Variants in CMYA5 observed in about 807,000 individuals in gnomAD.
CMYA5 encodes the protein cardiomyopathy associated 5, also known as cardiomyopathy-associated protein 5.
A neutral mutation model predicts 318.9 loss-of-function variants in CMYA5; 246 were observed. The ratio of observed to expected loss-of-function variants is 0.77; its 90% CI spans 0.70 to 0.86. The LOEUF (loss-of-function observed/expected upper bound fraction) is 0.86, where lower values mean the gene tolerates loss of function less well. Ranked by LOEUF, CMYA5 falls within the 40% of genes least tolerant of loss-of-function variation. The probability of loss-of-function intolerance (pLI) is 0.00; values close to 1 mark genes in which losing one functional copy is unlikely to be tolerated. For missense variants in CMYA5, 4,589 were observed against 4,678.2 expected, an observed-to-expected ratio of 0.98 and a Z score of 0.56; for synonymous variants, 1,641 against 1,729.5, an observed-to-expected ratio of 0.95 and a Z score of 1.27.
chr5:79,744,143 A>G (rs1377994887), intron 3 of CMYA5, among the ~76,000 whole-genome samples: 1 of 152,232 alleles, frequency 6.6e-6, no homozygotes, highest in Non-Finnish European at 1.5e-5. Context: ...CGGTAACGAC[A>G]GACATGCATT....
intron 2 of CMYA5, among the ~76,000 whole-genome samples, chr5:79,739,950 T>A (rs1407332055): frequency 6.6e-6 from 1 of 151,650 alleles, no homozygotes; most frequent in Non-Finnish European, 1.5e-5. Flanking sequence ...GCCACTGCAC[T>A]CCACTCTAGG....
At chr5:79,706,096 A>G (rs980203511) in intron 1 of CMYA5, among the ~76,000 whole-genome samples, 1 of 152,138 alleles carries the variant, frequency 6.6e-6, no homozygotes, top group Non-Finnish European at 1.5e-5. Context: ...CACACGCAAG[A>G]TAATGAAAGC....
intron 1 of CMYA5, among the ~76,000 whole-genome samples, chr5:79,704,849 C>T (rs1235598494): frequency 6.6e-6 from 1 of 152,206 alleles, no homozygotes; most frequent in Non-Finnish European, 1.5e-5. Context: ...ATACCTCTGG[C>T]CCCTGGAACC....
At chr5:79,786,662 T>C (rs1436841615) in intron 9 of CMYA5, among the ~76,000 whole-genome samples, 1 of 152,180 alleles carries the variant, frequency 6.6e-6, no homozygotes, top group Non-Finnish European at 1.5e-5. Context: ...ACTCTTTAGA[T>C]CTCAAATTCC....
chr5:79,702,217 C>T (rs75959636), intron 1 of CMYA5, among the ~76,000 whole-genome samples: 3,777 of 152,128 alleles, frequency 0.025, 152 homozygotes, highest in African/African-American at 0.081. Flanking sequence ...AGCAACATGG[C>T]GAGACCCTGT....
chr5:79,754,499 AACAC>A (rs1210006728), intron 6 of CMYA5, among the ~76,000 whole-genome samples: 1 of 152,160 alleles, frequency 6.6e-6, no homozygotes, highest in African/African-American at 2.4e-5. Context: ...TTTTCAAGAA[AACAC>A]AGCCGGTTGG....
rs80001242 is a variant in CMYA5 at position 79,698,174 on chromosome 5, A to T, written c.149+8118A>T. ...GTTTATTTATTTTTTCCAAGAGGAC[A>T]TGAGAAGAGATTGAGACAACTGACT... On this transcript the variant is annotated intron_variant, in intron 1 of 12. Transcript: ENST00000446378. Among the ~76,000 whole-genome samples the T allele has an allele frequency of 7.1e-3, 1,086 of 152,304 alleles. 4 individuals carry two copies. Among genetic ancestry groups the T allele is most frequent in the Non-Finnish European group, 0.011 (749 of 68,026 alleles).
chr5:79,723,242 C>T (rs951730143), intron 1 of CMYA5, among the ~76,000 whole-genome samples: 4 of 151,842 alleles, frequency 2.6e-5, no homozygotes, highest in Non-Finnish European at 5.9e-5. Context: ...AGTTTGAGAC[C>T]AGCCTGGCCA....
intron 9 of CMYA5, among the ~76,000 whole-genome samples, chr5:79,768,755 T>C (rs984384237): frequency 6.9e-6 from 1 of 144,122 alleles, no homozygotes; most frequent in African/African-American, 2.6e-5. Flanking sequence ...CCTTGGTGAA[T>C]CAGATGATTA....
At chr5:79,791,148 C>G (rs769411425) in intron 11 of CMYA5, 79 bp downstream of exon 11, 2 of 880,048 alleles carry the variant, frequency 2.3e-6, no homozygotes, top group Non-Finnish European at 3.7e-6. Flanking sequence ...GGGTGGCCTC[C>G]GCTGAGCATA....
intron 6 of CMYA5, among the ~76,000 whole-genome samples, chr5:79,756,102 T>G (rs1828523460): frequency 6.6e-6 from 1 of 152,180 alleles, no homozygotes; most frequent in African/African-American, 2.4e-5. Context: ...TAGACCTGGG[T>G]AACATGAAAA....
intron 3 of CMYA5, 79 bp from the exon 4 acceptor site, chr5:79,745,143 G>T (rs759805667): frequency 2.3e-6 from 2 of 860,888 alleles, no homozygotes; most frequent in Non-Finnish European, 3.6e-6. Flanking sequence ...TCTTTAAAAG[G>T]CTGGTGTTTC....
In CMYA5 at chr5:79,763,202, G is replaced by T. The variant is rs774123917; in HGVS notation, c.11548G>T (p.Gly3850Cys). ...CAGACAGCACTCTCCTGAGGGAGAG[G>T]GCCTCAGGTGAGGGGCCCTCTCCAT... ...YCRQHSPEGE[G>C]LRSFSGIKGL... is the part of the protein sequence containing the mutation. Residue 3850 changes from glycine (G) to cysteine (C), a missense_variant, in exon 9 of 13, where the codon GGC becomes TGC. Coordinates refer to ENST00000446378, the MANE Select transcript of CMYA5 (RefSeq NM_153610.5). 3.1e-6 allele frequency: 5 copies of T among 1,602,248 alleles called. No homozygotes were observed. Among genetic ancestry groups the T allele is most frequent in the Non-Finnish European group, 3.4e-6 (4 of 1,175,484 alleles).
At chr5:79,744,121 TA>T (rs1286683053) in intron 3 of CMYA5, among the ~76,000 whole-genome samples, 199 bp downstream of exon 3, 2 of 152,212 alleles carry the variant, frequency 1.3e-5, no homozygotes, top group Non-Finnish European at 2.9e-5. Context: ...TGCCTATGGA[TA>T]AAAGATTTGC....
chr5:79,718,501 T>C (rs1827562144), intron 1 of CMYA5, among the ~76,000 whole-genome samples: 1 of 152,168 alleles, frequency 6.6e-6, no homozygotes, highest in South Asian at 2.1e-4. Context: ...GAGAAAGATA[T>C]CCGACCTATT....
intron 1 of CMYA5, among the ~76,000 whole-genome samples, chr5:79,700,280 G>T (rs1420249371): frequency 6.6e-6 from 1 of 152,172 alleles, no homozygotes; most frequent in Non-Finnish European, 1.5e-5. Flanking sequence ...GTTTCAGTTT[G>T]CTAGGAAAGC....
chr5:79,741,728 GTCT>G (rs757678508), intron 2 of CMYA5, among the ~76,000 whole-genome samples: 7 of 151,638 alleles, frequency 4.6e-5, no homozygotes, highest in South Asian at 2.1e-4. Flanking sequence ...AATTTTTTTG[GTCT>G]TCTTAATATG....
In CMYA5 at chr5:79,735,376, C is replaced by T; in HGVS notation, c.6611C>T (p.Thr2204Ile). 1 of 1,613,802 alleles carries T rather than the reference C, an allele frequency of 6.2e-7. No homozygotes were observed. The highest frequency in any genetic ancestry group is 8.5e-7 in the Non-Finnish European group (1 of 1,179,792). Reference protein sequence around the residue: ...NKVAEQEDLETQPSPSVEKAV... With the variant: ...NKVAEQEDLEIQPSPSVEKAV... Reference sequence around the variant, plus strand: ...GTTGCTGAACAAGAAGACTTAGAAACACAGCCAAGTCCATCCGTAGAAAAA... The same window carrying T: ...GTTGCTGAACAAGAAGACTTAGAAATACAGCCAAGTCCATCCGTAGAAAAA... The change falls in exon 2 of 13, where the codon ACA becomes ATA. Residue 2204 changes from threonine to isoleucine, a missense_variant. Coordinates refer to ENST00000446378, the MANE Select transcript of CMYA5 (RefSeq NM_153610.5).
At chr5:79,722,609 G>A (rs531310829) in intron 1 of CMYA5, among the ~76,000 whole-genome samples, 26 of 146,610 alleles carry the variant, frequency 1.8e-4, no homozygotes, top group Admixed American at 4.4e-4. Flanking sequence ...CCCAGGAGGC[G>A]AAGGTTGCAG....
Sources: gnomAD v4.1 joint callset for allele counts (sites outside exome capture counted in the v4.1 genomes callset) on GRCh38, gnomAD v4.1.1 for gene constraint, MANE v1.5 for transcripts, NCBI Gene and HGNC (gene_info 2026-07-23, HGNC 2026-07-21) for gene names.